ZBTB16: variants seen among roughly 807,000 people sequenced by gnomAD.
ZBTB16 encodes zinc finger and BTB domain containing 16.
ZBTB16 carries 8 observed loss-of-function variants against 56.8 expected under a neutral mutation model. The ratio of observed to expected loss-of-function variants is 0.14; its 90% CI spans 0.08 to 0.25. The LOEUF is 0.25. Ranked by LOEUF, ZBTB16 falls within the 10% of genes least tolerant of loss-of-function variation. ZBTB16 has a pLI of 1.00. For synonymous variants in ZBTB16, 363 were observed against 368.5 expected (o/e 0.98, Z 0.17); for missense variants, 625 against 903.0 (o/e 0.69, Z 3.95).
At chr11:114,211,591 C>T (rs375879956) in intron 4 of ZBTB16, among the ~76,000 whole-genome samples, 31 of 152,212 alleles carry the variant, frequency 2.0e-4, no homozygotes, top group African/African-American at 6.5e-4. Context: ...ATTGATTCTT[C>T]GTCACTTCCC....
intron 4 of ZBTB16, among the ~76,000 whole-genome samples, chr11:114,226,757 G>T (rs959285562): frequency 6.6e-6 from 1 of 152,114 alleles, no homozygotes; most frequent in Non-Finnish European, 1.5e-5. Flanking sequence ...CCAGACACTC[G>T]TCTTCCTTCC....
At chr11:114,131,327 A>G (rs1235848453) in intron 2 of ZBTB16, among the ~76,000 whole-genome samples, 1 of 152,236 alleles carries the variant, frequency 6.6e-6, no homozygotes, top group African/African-American at 2.4e-5. Flanking sequence ...CCAAAATGCC[A>G]ATAGTGCTGA....
chr11:114,195,666 A>G (rs769826052), intron 4 of ZBTB16, among the ~76,000 whole-genome samples: 53 of 152,270 alleles, frequency 3.5e-4, no homozygotes, highest in South Asian at 6.2e-4. Context: ...GTGTCAGACT[A>G]TCTAGATTCC....
rs555292680 is a variant in ZBTB16 at position 114,116,423 on chromosome 11, G to A, written c.1269-39914G>A. On this transcript the variant is annotated intron_variant, in intron 2 of 6. Coordinates refer to ENST00000335953, the MANE Select transcript of ZBTB16 (RefSeq NM_006006.6). ...TTGCTGAACTTCTCCTCATGCTTAG[G>A]TTGGAATCTGACCTTCTGTAACCCT... is the stretch of plus-strand genomic sequence containing the variant. 3.3e-5 allele frequency among the ~76,000 whole-genome samples: 5 copies of A among 152,274 alleles called. No homozygotes were observed. In the East Asian group the frequency reaches 9.7e-4, roughly 29 times the overall value.
intron 2 of ZBTB16, among the ~76,000 whole-genome samples, chr11:114,136,827 G>A (rs1941809131): frequency 6.6e-6 from 1 of 152,040 alleles, no homozygotes; most frequent in Admixed American, 6.6e-5. Flanking sequence ...TTAACTGCAG[G>A]GCATTAGCTC....
chr11:114,221,172 GAGCC>G (rs1944223055), intron 4 of ZBTB16, among the ~76,000 whole-genome samples: 1 of 152,108 alleles, frequency 6.6e-6, no homozygotes, highest in Non-Finnish European at 1.5e-5. Flanking sequence ...GGGTAGGGAA[GAGCC>G]AAGCAGCAAT....
At chr11:114,148,455 C>CTTTT (rs1942192079) in intron 2 of ZBTB16, among the ~76,000 whole-genome samples, 1 of 85,110 alleles carries the variant, frequency 1.2e-5, no homozygotes, top group Admixed American at 1.3e-4. Context: ...CTCTGTCTGT[C>CTTTT]TGTCTCTCTC....
At chr11:114,100,099 A>C (rs1393354921) in intron 2 of ZBTB16, among the ~76,000 whole-genome samples, 1 of 152,238 alleles carries the variant, frequency 6.6e-6, no homozygotes, top group Non-Finnish European at 1.5e-5. Context: ...TGGACTGGGA[A>C]CATGATCTCT....
chr11:114,093,306 T>A (rs1292073932), intron 2 of ZBTB16, among the ~76,000 whole-genome samples: 2 of 149,996 alleles, frequency 1.3e-5, no homozygotes, highest in Non-Finnish European at 3.0e-5. Context: ...GTCTGTATTG[T>A]GGAGAGGTGA....
intron 4 of ZBTB16, among the ~76,000 whole-genome samples, chr11:114,207,717 G>A (rs7104763): frequency 0.018 from 2,758 of 152,196 alleles, 70 homozygotes; most frequent in African/African-American, 0.063. Flanking sequence ...GGGTTCAAGC[G>A]ATTCTCCTGC....
At chr11:114,212,234 C>G (rs491823) in intron 4 of ZBTB16, among the ~76,000 whole-genome samples, 1 of 151,890 alleles carries the variant, frequency 6.6e-6, no homozygotes, top group Non-Finnish European at 1.5e-5. Context: ...AATTAAAAGT[C>G]GCAGGAAAAT....
chr11:114,139,939 G>A (rs544917905), intron 2 of ZBTB16, among the ~76,000 whole-genome samples: 8 of 152,276 alleles, frequency 5.3e-5, no homozygotes, highest in Admixed American at 4.6e-4. Flanking sequence ...AGGGCTCCTA[G>A]AGCGTGTCAG....
At chr11:114,180,581 C>T (rs1943225226) in intron 3 of ZBTB16, among the ~76,000 whole-genome samples, 1 of 152,186 alleles carries the variant, frequency 6.6e-6, no homozygotes, top group South Asian at 2.1e-4. Context: ...GAGACCTAGC[C>T]AGAGACCATG....
At chr11:114,074,053 C>A (rs746796272) in intron 2 of ZBTB16, among the ~76,000 whole-genome samples, 4 of 152,212 alleles carry the variant, frequency 2.6e-5, no homozygotes, top group Non-Finnish European at 4.4e-5. Context: ...GCAGTATCCT[C>A]TTCTGTGAAG....
intron 2 of ZBTB16, among the ~76,000 whole-genome samples, chr11:114,142,783 G>T (rs1941990490): frequency 6.6e-6 from 1 of 152,106 alleles, no homozygotes; most frequent in Non-Finnish European, 1.5e-5. Flanking sequence ...GGGGGATTGT[G>T]GAGGAGAAAG....
chr11:114,217,819 C>T (rs17116684), intron 4 of ZBTB16, among the ~76,000 whole-genome samples: 17,469 of 152,166 alleles, frequency 0.11, 1,149 homozygotes, highest in East Asian at 0.24. Flanking sequence ...GGGCCTCCTG[C>T]AGCCAGCTCC....
At chr11:114,099,619 G>A (rs926840465) in intron 2 of ZBTB16, among the ~76,000 whole-genome samples, 1 of 152,154 alleles carries the variant, frequency 6.6e-6, no homozygotes, top group Non-Finnish European at 1.5e-5. Flanking sequence ...GCTGTGTGGT[G>A]TCAGCTCAAG....
Position 114,064,697 on chromosome 11 carries a change from A to C in ZBTB16, c.1268+129A>C. The C allele has an allele frequency of 8.1e-7, 1 of 1,234,064 alleles. No homozygotes were observed. The allele number at this position is 1,234,064 out of a possible 1,614,324, so 76.4% of individuals were successfully genotyped here. On this transcript the variant is annotated intron_variant, in intron 2 of 6. Transcript: ENST00000335953. The surrounding 1 kb of genome is among the most constrained non-coding windows in gnomAD (Gnocchi z 4.2). Reference sequence around the variant, plus strand: ...TGGCAATTTGTGAAAAAACCAGAACACTTCTTCTAAAGTTCTGGCGGGGAG... The same window carrying C: ...TGGCAATTTGTGAAAAAACCAGAACCCTTCTTCTAAAGTTCTGGCGGGGAG...
chr11:114,158,228 C>T (rs1942477197), intron 3 of ZBTB16, among the ~76,000 whole-genome samples: 1 of 152,168 alleles, frequency 6.6e-6, no homozygotes, highest in Non-Finnish European at 1.5e-5. Flanking sequence ...GTGCTGGGCA[C>T]TTCTGGGGCA....
Sources: allele counts gnomAD v4.1 joint callset (sites outside exome capture counted in the v4.1 genomes callset), GRCh38; gene constraint gnomAD v4.1.1; non-coding constraint Gnocchi (gnomAD v3.1); transcripts MANE v1.5; gene names NCBI Gene and HGNC (gene_info 2026-07-23, HGNC 2026-07-21).